Variants in CNTNAP4 observed in about 807,000 individuals in gnomAD.
CNTNAP4 encodes the protein contactin associated protein family member 4, also known as contactin-associated protein-like 4.
A neutral mutation model predicts 148.4 loss-of-function variants in CNTNAP4; 98 were observed. The observed-to-expected ratio is 0.66, with a 90% CI of 0.56 to 0.78. The LOEUF is 0.78. Among genes scored for constraint, CNTNAP4 ranks in the 30% least tolerant of loss-of-function variants. CNTNAP4 has a pLI of 0.00. For missense variants in CNTNAP4, 1,935 were observed against 1,565.6 expected, an observed-to-expected ratio of 1.24 and a Z score of -3.98; for synonymous variants, 730 against 565.1, an observed-to-expected ratio of 1.29 and a Z score of -4.14.
intron 1 of CNTNAP4, among the ~76,000 whole-genome samples, chr16:76,313,606 A>G (rs916844601): frequency 2.6e-5 from 4 of 152,212 alleles, no homozygotes; most frequent in Non-Finnish European, 2.9e-5. Flanking sequence ...GTCAGTAGAC[A>G]TGCAGGAACT....
At chr16:76,521,895 T>G (rs2083466733) in intron 16 of CNTNAP4, 144 bp from the exon 17 acceptor site, 1 of 749,182 alleles carries the variant, frequency 1.3e-6, no homozygotes, top group African/African-American at 1.7e-5. Flanking sequence ...GTCATGAGTT[T>G]CAAACAATAG....
chr16:76,494,991 A>C lies in CNTNAP4; in HGVS notation c.2162A>C (p.Lys721Thr), dbSNP rs1425604815. 1 of 1,613,574 alleles carries C rather than the reference A, an allele frequency of 6.2e-7. No homozygotes were observed. The highest frequency in any genetic ancestry group is 1.3e-5 in the African/African-American group (1 of 74,900). ...GGAGGTTCTTCGCCTGATCTTCAAA[A>C]ATGTACTTGTGGATTAGAGGGAAAC... ...YWGGSSPDLQKCTCGLEGNCI... is the reference protein window; with the variant it reads ...YWGGSSPDLQTCTCGLEGNCI... The change falls in exon 14 of 24, where the codon AAA (lysine) becomes ACA (threonine). Residue 721 changes from lysine (K) to threonine (T), a missense_variant. Lys to Thr is a moderately conservative substitution (Grantham distance 78, BLOSUM62 -1). Transcript: ENST00000611870.
At chr16:76,477,185 A>G (rs911258374) in intron 11 of CNTNAP4, among the ~76,000 whole-genome samples, 2 of 152,128 alleles carry the variant, frequency 1.3e-5, no homozygotes. Flanking sequence ...ATAACAACCA[A>G]TATCCCTTTT....
intron 2 of CNTNAP4, among the ~76,000 whole-genome samples, chr16:76,321,787 CA>C (rs5817984): frequency 0.47 from 49,341 of 104,196 alleles, 8,003 homozygotes; most frequent in African/African-American, 0.63. Context: ...GACTCAGTCT[CA>C]AAAAAAAAAA....
intron 12 of CNTNAP4, among the ~76,000 whole-genome samples, chr16:76,480,818 G>A (rs138554636): frequency 1.6e-4 from 24 of 152,242 alleles, no homozygotes; most frequent in African/African-American, 5.3e-4. Context: ...TATTGATTCC[G>A]TGCAAACCTA....
At chr16:76,294,811 G>A (rs1959195418) in intron 1 of CNTNAP4, among the ~76,000 whole-genome samples, 1 of 152,156 alleles carries the variant, frequency 6.6e-6, no homozygotes, top group Non-Finnish European at 1.5e-5. Flanking sequence ...CATGTCTTCA[G>A]CACCAGTTTT....
chr16:76,450,830 G>C (rs937101732), intron 7 of CNTNAP4, among the ~76,000 whole-genome samples: 10 of 152,166 alleles, frequency 6.6e-5, no homozygotes, highest in Admixed American at 2.0e-4. Flanking sequence ...TAGGTATTGT[G>C]AACAGTGGAT....
intron 8 of CNTNAP4, among the ~76,000 whole-genome samples, chr16:76,458,788 G>A (rs8051320): frequency 0.43 from 64,865 of 151,860 alleles, 13,926 homozygotes; most frequent in Middle Eastern, 0.49. Flanking sequence ...TGGGGATTGG[G>A]GACGCCTATT....
At chr16:76,453,459 C>G (rs368494609) in intron 8 of CNTNAP4, among the ~76,000 whole-genome samples, 237 of 152,230 alleles carry the variant, frequency 1.6e-3, no homozygotes, top group African/African-American at 5.5e-3. Context: ...ATGTTTTTGT[C>G]TCTTCATTAA....
intron 3 of CNTNAP4, among the ~76,000 whole-genome samples, chr16:76,372,306 A>G (rs1442146362): frequency 7.1e-6 from 1 of 140,452 alleles, no homozygotes; most frequent in Non-Finnish European, 1.5e-5. Context: ...GGCCCAGCTA[A>G]TTTTTTTTTT....
intron 2 of CNTNAP4, among the ~76,000 whole-genome samples, chr16:76,340,642 A>G (rs1306401228): frequency 6.6e-6 from 1 of 152,192 alleles, no homozygotes; most frequent in Non-Finnish European, 1.5e-5. Flanking sequence ...ACATATTTAT[A>G]GGGAGTTTCC....
intron 23 of CNTNAP4, among the ~76,000 whole-genome samples, chr16:76,554,807 C>T (rs2144420187): frequency 6.6e-6 from 1 of 151,802 alleles, no homozygotes; most frequent in East Asian, 2.0e-4. Context: ...AGAGTTCTTC[C>T]TCTATTCAGT....
chr16:76,347,790 A>T (rs1325089647), intron 2 of CNTNAP4, among the ~76,000 whole-genome samples: 4 of 152,078 alleles, frequency 2.6e-5, no homozygotes, highest in Non-Finnish European at 4.4e-5. Context: ...TTGTAAATGG[A>T]GGGCAGTGAA....
In CNTNAP4 at chr16:76,494,988, A is replaced by C. The variant is rs985286783; in HGVS notation, c.2159A>C (p.Gln720Pro). The C allele has an allele frequency of 1.2e-6, 2 of 1,613,568 alleles. No individual in the cohort carries two copies. Among genetic ancestry groups the C allele is most frequent in the Admixed American group, 3.3e-5 (2 of 59,980 alleles). ...TYWGGSSPDLQKCTCGLEGNC... is the reference protein window; with the variant it reads ...TYWGGSSPDLPKCTCGLEGNC... Reference sequence around the variant, plus strand: ...TGGGGAGGTTCTTCGCCTGATCTTCAAAAATGTACTTGTGGATTAGAGGGA... The same window carrying C: ...TGGGGAGGTTCTTCGCCTGATCTTCCAAAATGTACTTGTGGATTAGAGGGA... The change falls in exon 14 of 24, where the codon CAA becomes CCA. Residue 720 changes from glutamine (Q) to proline (P), a missense_variant. By Grantham distance (76) the Gln-to-Pro change is moderately conservative. Coordinates refer to ENST00000611870, the MANE Select transcript of CNTNAP4 (RefSeq NM_033401.5).
chr16:76,314,240 A>T (rs1245708829), intron 1 of CNTNAP4, among the ~76,000 whole-genome samples: 2 of 152,232 alleles, frequency 1.3e-5, no homozygotes, highest in African/African-American at 4.8e-5. Context: ...TGCCACTATT[A>T]CCACAAAGGG....
intron 3 of CNTNAP4, among the ~76,000 whole-genome samples, chr16:76,392,423 A>G (rs1479461761): frequency 6.6e-6 from 1 of 152,242 alleles, no homozygotes; most frequent in Non-Finnish European, 1.5e-5. Context: ...AGTATCTAGC[A>G]TGAGTCCTAA....
At chr16:76,312,555 G>T (rs1012039524) in intron 1 of CNTNAP4, among the ~76,000 whole-genome samples, 15 of 152,142 alleles carry the variant, frequency 9.9e-5, no homozygotes, top group Admixed American at 9.8e-4. Context: ...TGTCAAGACT[G>T]TTGAAGATCA....
intron 10 of CNTNAP4, among the ~76,000 whole-genome samples, chr16:76,472,284 A>G (rs1216182766): frequency 6.6e-6 from 1 of 152,050 alleles, no homozygotes; most frequent in African/African-American, 2.4e-5. Flanking sequence ...TAATGACTTT[A>G]AATAAAATTC....
chr16:76,382,667 T>C (rs2016099533), intron 3 of CNTNAP4, among the ~76,000 whole-genome samples: 1 of 152,196 alleles, frequency 6.6e-6, no homozygotes, highest in Admixed American at 6.5e-5. Context: ...ATTTCCTAGT[T>C]TGGTTTATCA....
Sources: gnomAD v4.1 joint callset for allele counts (sites outside exome capture counted in the v4.1 genomes callset) on GRCh38, gnomAD v4.1.1 for gene constraint, MANE v1.5 for transcripts, NCBI Gene and HGNC (gene_info 2026-07-23, HGNC 2026-07-21) for gene names.